Variants in GMDS observed in about 807,000 individuals in gnomAD.
The protein encoded by GMDS is GDP-mannose 4,6-dehydratase, also known as GDP-mannose 4,6 dehydratase.
In GMDS, 20 loss-of-function variants were observed where a neutral mutation model predicts 49.9. That is an observed-to-expected ratio of 0.40 (90% confidence interval 0.28 to 0.58). The LOEUF (loss-of-function observed/expected upper bound fraction) is 0.58, where lower values mean the gene tolerates loss of function less well. Ranked by LOEUF, GMDS falls within the 20% of genes least tolerant of loss-of-function variation. The pLI is 0.42. For missense variants in GMDS, 362 were observed against 481.4 expected, an observed-to-expected ratio of 0.75 and a Z score of 2.32; for synonymous variants, 177 against 178.6, an observed-to-expected ratio of 0.99 and a Z score of 0.07.
chr6:1,839,939 CT>C lies in GMDS; in HGVS notation c.771+90163del, dbSNP rs200479339. Among the ~76,000 whole-genome samples the C allele has an allele frequency of 5.3e-3, 812 of 152,272 alleles. 9 individuals carry two copies. Among genetic ancestry groups the C allele is most frequent in the African/African-American group, 0.019 (769 of 41,548 alleles). ...AATCGTGAAAGGAATATTTTGGAAA[CT>C]GTTTTCATTTGTTTGAAATCAACTT... On this transcript the variant is annotated intron_variant, in intron 7 of 10. Transcript: ENST00000380815.
intron 4 of GMDS, among the ~76,000 whole-genome samples, chr6:2,056,170 A>C (rs903748759): frequency 2.0e-5 from 3 of 152,196 alleles, no homozygotes; most frequent in Non-Finnish European, 2.9e-5. Context: ...TAACAAGTAC[A>C]TCTTATTAAA....
At chr6:2,020,139 A>G (rs1232075000) in intron 4 of GMDS, among the ~76,000 whole-genome samples, 1 of 152,188 alleles carries the variant, frequency 6.6e-6, no homozygotes, top group Non-Finnish European at 1.5e-5. Flanking sequence ...TATGAGCCTT[A>G]GGAGTTTATA....
intron 1 of GMDS, among the ~76,000 whole-genome samples, chr6:2,137,467 G>A (rs1391130508): frequency 6.6e-6 from 1 of 151,802 alleles, no homozygotes; most frequent in Non-Finnish European, 1.5e-5. Context: ...CCGAGTAGCT[G>A]GGATTACAGG....
intron 1 of GMDS, among the ~76,000 whole-genome samples, chr6:2,231,952 AT>A (rs200870249): frequency 1.3e-5 from 2 of 152,174 alleles, no homozygotes; most frequent in South Asian, 2.1e-4. Context: ...GACAAATGAA[AT>A]TTTTTTAATA....
rs368676460 is a variant in GMDS, at chr6:2,003,483, C to T, written c.346-42517G>A. The stretch of plus-strand genomic sequence containing the variant: ...TTAGCAAGCACTTGTCATTTATATC[C>T]CACCCACTCCCCAAAAGAATCTGTG... On this transcript the variant is annotated intron_variant, in intron 4 of 10. Coordinates refer to ENST00000380815, the MANE Select transcript of GMDS (RefSeq NM_001500.4). Among the ~76,000 whole-genome samples the T allele has an allele frequency of 3.9e-5, 6 of 152,134 alleles. No homozygotes were observed. The South Asian group carries it at 1.2e-3, about 32-fold the overall frequency.
At chr6:1,825,751 G>A (rs938138219) in intron 7 of GMDS, among the ~76,000 whole-genome samples, 3 of 152,352 alleles carry the variant, frequency 2.0e-5, no homozygotes, top group Middle Eastern at 3.4e-3. Context: ...GCTCATGCCT[G>A]TAATCCCAGC....
At chr6:2,181,228 T>C (rs992170072) in intron 1 of GMDS, among the ~76,000 whole-genome samples, 1 of 147,230 alleles carries the variant, frequency 6.8e-6, no homozygotes, top group Non-Finnish European at 1.5e-5. Context: ...TTTAACAGAA[T>C]TCATTAAAAA....
At chr6:1,807,700 G>A (rs1770239758) in intron 7 of GMDS, among the ~76,000 whole-genome samples, 1 of 152,196 alleles carries the variant, frequency 6.6e-6, no homozygotes, top group African/African-American at 2.4e-5. Context: ...ATGTCCATGT[G>A]GAAAGTAATT....
In GMDS at chr6:1,731,291, G is replaced by T. The variant is rs144397393; in HGVS notation, c.891-4779C>A. ...ACAGGATTTCCAGAAAGAGAGTACA[G>T]AAAAAATGGAGCAGAGCAAACAACT... On this transcript the variant is annotated intron_variant, in intron 8 of 10. Coordinates refer to ENST00000380815, the MANE Select transcript of GMDS (RefSeq NM_001500.4). Among the ~76,000 whole-genome samples the T allele has an allele frequency of 4.3e-3, 657 of 152,288 alleles. 4 individuals carry two copies. Among genetic ancestry groups the T allele is most frequent in the African/African-American group, 0.015 (629 of 41,556 alleles).
chr6:2,018,703 G>A (rs1046602197), intron 4 of GMDS, among the ~76,000 whole-genome samples: 24 of 152,078 alleles, frequency 1.6e-4, no homozygotes, highest in African/African-American at 4.6e-4. Context: ...ATATTTCATT[G>A]TATAGATAAA....
At chr6:1,826,097 G>A (rs1053097032) in intron 7 of GMDS, among the ~76,000 whole-genome samples, 1 of 152,142 alleles carries the variant, frequency 6.6e-6, no homozygotes, top group Non-Finnish European at 1.5e-5. Flanking sequence ...AGTTGCTCTG[G>A]GTGAGTGAGT....
At chr6:1,976,891 A>T (rs932118368) in intron 4 of GMDS, among the ~76,000 whole-genome samples, 1 of 152,210 alleles carries the variant, frequency 6.6e-6, no homozygotes, top group Non-Finnish European at 1.5e-5. Context: ...TGAACAGGAG[A>T]TATATCTTAT....
At chr6:1,898,912 T>C (rs1163918009) in intron 7 of GMDS, among the ~76,000 whole-genome samples, 1 of 152,046 alleles carries the variant, frequency 6.6e-6, no homozygotes, top group Non-Finnish European at 1.5e-5. Context: ...CAGCCAACAA[T>C]AAAGAACATC....
intron 6 of GMDS, among the ~76,000 whole-genome samples, chr6:1,940,635 G>A (rs991956127): frequency 1.6e-4 from 25 of 152,340 alleles, no homozygotes; most frequent in African/African-American, 5.3e-4. Context: ...CAATAGGCAC[G>A]TTTAAAGGAA....
rs1208767248 is a variant in GMDS, at chr6:1,875,642, T to C, written c.771+54461A>G. 2.6e-5 allele frequency among the ~76,000 whole-genome samples: 4 copies of C among 152,332 alleles called. No individual in the cohort carries two copies. The East Asian group carries it at 7.7e-4, about 29-fold the overall frequency. On this transcript the variant is annotated intron_variant, in intron 7 of 10. Transcript: ENST00000380815. ...TGTTTTCAATGGGTTTTTATCCTTG[T>C]AATACTGCCAAATATTTTCACAATT...
intron 1 of GMDS, among the ~76,000 whole-genome samples, chr6:2,137,495 G>A (rs767033631): frequency 1.4e-4 from 21 of 152,024 alleles, no homozygotes; most frequent in Non-Finnish European, 2.5e-4. Flanking sequence ...CACCATACCC[G>A]GCTAATTTTG....
At chr6:1,832,339 G>A (rs1220051451) in intron 7 of GMDS, among the ~76,000 whole-genome samples, 3 of 151,938 alleles carry the variant, frequency 2.0e-5, no homozygotes, top group African/African-American at 7.2e-5. Context: ...GTTGCAGTGA[G>A]TTATGATTGA....
chr6:1,989,810 G>C (rs556984475), intron 4 of GMDS, among the ~76,000 whole-genome samples: 1 of 152,338 alleles, frequency 6.6e-6, no homozygotes, highest in South Asian at 2.1e-4. Context: ...CCCTGGTCTG[G>C]AGCACATCCA....
chr6:2,102,842 A>G (rs1319421144), intron 4 of GMDS, among the ~76,000 whole-genome samples: 1 of 152,150 alleles, frequency 6.6e-6, no homozygotes, highest in Non-Finnish European at 1.5e-5. Context: ...AATTCCATTT[A>G]ATTAAATTAA....
Sources: gnomAD v4.1 joint callset for allele counts (sites outside exome capture counted in the v4.1 genomes callset) on GRCh38, gnomAD v4.1.1 for gene constraint, MANE v1.5 for transcripts, NCBI Gene and HGNC (gene_info 2026-07-23, HGNC 2026-07-21) for gene names.